ANKRD31: variants seen among roughly 807,000 people sequenced by gnomAD.
The protein encoded by ANKRD31 is ankyrin repeat domain-containing protein 31.
ANKRD31 carries 147 observed loss-of-function variants against 186.0 expected under a neutral mutation model. That is an observed-to-expected ratio of 0.79 (90% confidence interval 0.69 to 0.91). The LOEUF is 0.91. ANKRD31 is among the 40% of genes least tolerant of loss of function. The probability of loss-of-function intolerance (pLI) is 0.00; values close to 1 mark genes in which losing one functional copy is unlikely to be tolerated. For synonymous variants in ANKRD31, 673 were observed against 736.4 expected, an observed-to-expected ratio of 0.91 and a Z score of 1.39; for missense variants, 1,986 against 2,148.8, an observed-to-expected ratio of 0.92 and a Z score of 1.50.
intron 10 of ANKRD31, among the ~76,000 whole-genome samples, chr5:75,186,299 A>G (rs1754708646): frequency 6.6e-6 from 1 of 152,222 alleles, no homozygotes; most frequent in Non-Finnish European, 1.5e-5. Context: ...AGAATATAAC[A>G]CATTTTTAAA....
intron 3 of ANKRD31, among the ~76,000 whole-genome samples, chr5:75,218,112 G>C (rs186161663): frequency 2.6e-4 from 39 of 152,206 alleles, no homozygotes; most frequent in African/African-American, 8.7e-4. Context: ...AACTGAAGGA[G>C]ACAGAAACAT....
chr5:75,211,678 A>G (rs1756659624), intron 3 of ANKRD31, among the ~76,000 whole-genome samples: 1 of 152,092 alleles, frequency 6.6e-6, no homozygotes, highest in South Asian at 2.1e-4. Context: ...TTTTTTTTAA[A>G]TAATAGTCAT....
At chr5:75,190,626 T>C (rs1755042868) in intron 9 of ANKRD31, among the ~76,000 whole-genome samples, 1 of 151,530 alleles carries the variant, frequency 6.6e-6, no homozygotes, top group South Asian at 2.1e-4. Flanking sequence ...TGTGTGTGTG[T>C]ATTTTTTTTT....
At chr5:75,220,038 T>G in intron 3 of ANKRD31, among the ~76,000 whole-genome samples, 1 of 152,084 alleles carries the variant, frequency 6.6e-6, no homozygotes, top group Middle Eastern at 3.2e-3. Flanking sequence ...ATAGAAACCC[T>G]GAAAGATAAC....
At chr5:75,144,604 T>A (rs1015968337) in intron 14 of ANKRD31, among the ~76,000 whole-genome samples, 9 of 152,042 alleles carry the variant, frequency 5.9e-5, no homozygotes, top group African/African-American at 2.2e-4. Context: ...TCAAGATGGA[T>A]TAAAGACTTA....
chr5:75,176,097 G>A (rs1292360900), intron 10 of ANKRD31, among the ~76,000 whole-genome samples: 2 of 152,210 alleles, frequency 1.3e-5, no homozygotes, highest in East Asian at 3.8e-4. Flanking sequence ...TCCCGCACAT[G>A]GCTCAGAGGG....
intron 17 of ANKRD31, among the ~76,000 whole-genome samples, chr5:75,130,649 T>A (rs1444447104): frequency 6.6e-6 from 1 of 151,828 alleles, no homozygotes; most frequent in African/African-American, 2.4e-5. Context: ...AGACACAGAG[T>A]GCTGATTGGT....
rs78178993 is a variant in ANKRD31, at chr5:75,215,769, C to A, written c.289-4904G>T. The stretch of plus-strand genomic sequence containing the variant: ...GAAGAATTTATTTAGAAACCTGTTT[C>A]ATAATTATTTAGAATTTACTTAGAA... On this transcript the variant is annotated intron_variant, in intron 3 of 25. Transcript: ENST00000506364. Among the ~76,000 whole-genome samples, 919 of 151,808 alleles carry A rather than the reference C, an allele frequency of 6.1e-3. 6 individuals are homozygous for A. Among genetic ancestry groups the A allele is most frequent in the Non-Finnish European group, 8.9e-3 (606 of 67,924 alleles).
intron 25 of ANKRD31, among the ~76,000 whole-genome samples, chr5:75,071,899 G>A (rs1342564998): frequency 6.6e-6 from 1 of 152,198 alleles, no homozygotes; most frequent in African/African-American, 2.4e-5. Flanking sequence ...TGCCAAAGGT[G>A]CAGAGCAGGG....
At chr5:75,081,684 CAGAG>C (rs530571357) in intron 24 of ANKRD31, among the ~76,000 whole-genome samples, 19 of 137,410 alleles carry the variant, frequency 1.4e-4, no homozygotes, top group African/African-American at 3.6e-4. Context: ...GGGGAGGAGG[CAGAG>C]AGAGAGAGAG....
chr5:75,109,710 C>G (rs2150067008), intron 20 of ANKRD31, among the ~76,000 whole-genome samples: 1 of 152,170 alleles, frequency 6.6e-6, no homozygotes, highest in Non-Finnish European at 1.5e-5. Context: ...AATTGTCTTC[C>G]CTTCTAACAA....
chr5:75,093,130 T>C (rs960315555), intron 22 of ANKRD31, among the ~76,000 whole-genome samples: 1 of 152,072 alleles, frequency 6.6e-6, no homozygotes. Context: ...AATATATGCA[T>C]AATGAAGGAG....
chr5:75,079,406 G>A (rs1346102616), intron 25 of ANKRD31, among the ~76,000 whole-genome samples: 1 of 151,776 alleles, frequency 6.6e-6, no homozygotes, highest in Non-Finnish European at 1.5e-5. Flanking sequence ...TTCTCATAAA[G>A]AGGGAGAGGG....
At chr5:75,187,451 G>A (rs1421735740) in intron 10 of ANKRD31, among the ~76,000 whole-genome samples, 1 of 151,272 alleles carries the variant, frequency 6.6e-6, no homozygotes, top group Non-Finnish European at 1.5e-5. Flanking sequence ...TGTTAACACT[G>A]GCACATTAAA....
intron 17 of ANKRD31, among the ~76,000 whole-genome samples, chr5:75,120,551 G>A (rs1467567822): frequency 1.3e-5 from 2 of 152,258 alleles, no homozygotes; most frequent in Non-Finnish European, 2.9e-5. Context: ...TTCTGCTTGT[G>A]TCCAAGGATA....
At chr5:75,176,120 G>C (rs761842622) in intron 10 of ANKRD31, among the ~76,000 whole-genome samples, 3 of 152,140 alleles carry the variant, frequency 2.0e-5, no homozygotes, top group African/African-American at 7.2e-5. Flanking sequence ...CTATGCCCAC[G>C]GAGCTTCACT....
chr5:75,133,430 T>C (rs1285920541), intron 17 of ANKRD31, among the ~76,000 whole-genome samples: 2 of 152,006 alleles, frequency 1.3e-5, no homozygotes, highest in African/African-American at 2.4e-5. Flanking sequence ...CATTACATAA[T>C]GGTAAAGGGA....
intron 17 of ANKRD31, among the ~76,000 whole-genome samples, chr5:75,131,132 G>A (rs1473095427): frequency 6.6e-6 from 1 of 151,968 alleles, no homozygotes. Context: ...AGCACCACAC[G>A]CAGCCCCAGC....
chr5:75,117,611 T>C (rs1210927905), intron 18 of ANKRD31, among the ~76,000 whole-genome samples: 8 of 141,808 alleles, frequency 5.6e-5, no homozygotes, highest in African/African-American at 1.7e-4. Flanking sequence ...CCTGAGTATC[T>C]TCTTCTATGA....
Sources: gnomAD v4.1 joint callset for allele counts (sites outside exome capture counted in the v4.1 genomes callset) on GRCh38, gnomAD v4.1.1 for gene constraint, MANE v1.5 for transcripts, NCBI Gene and HGNC (gene_info 2026-07-23, HGNC 2026-07-21) for gene names.